SEM1: variants seen among roughly 807,000 people sequenced by gnomAD.
The protein encoded by SEM1 is SEM1 26S proteasome subunit.
A neutral mutation model predicts 12.7 loss-of-function variants in SEM1; 3 were observed. The ratio of observed to expected loss-of-function variants is 0.24; its 90% CI spans 0.11 to 0.61. The LOEUF (loss-of-function observed/expected upper bound fraction) is 0.61. Ranked by LOEUF, SEM1 falls within the 20% of genes least tolerant of loss-of-function variation. The pLI is 0.88. For synonymous variants in SEM1, 30 were observed against 27.8 expected, an observed-to-expected ratio of 1.08 and a Z score of -0.25; for missense variants, 59 against 81.3, an observed-to-expected ratio of 0.73 and a Z score of 1.06.
At chr7:96,520,337 T>C (rs762725925) in intron 2 of SEM1, among the ~76,000 whole-genome samples, 6 of 152,136 alleles carry the variant, frequency 3.9e-5, no homozygotes, top group Non-Finnish European at 7.4e-5. Flanking sequence ...TCTGTAGAAT[T>C]GGGGAATAAC....
chr7:96,614,182 C>T (rs1807633297), intron 2 of SEM1, among the ~76,000 whole-genome samples: 1 of 152,160 alleles, frequency 6.6e-6, no homozygotes, highest in East Asian at 1.9e-4. Flanking sequence ...ATTTTAAAGT[C>T]ATATAGAGAT....
chr7:96,483,104 A>T (rs778049033), exon 4 of SEM1: 4 of 152,148 alleles, frequency 2.6e-5, no homozygotes, highest in Non-Finnish European at 5.9e-5. Flanking sequence ...TTTACTGAGG[A>T]TATTATGGAC....
At chr7:96,636,437 C>T (rs1266295968) in intron 2 of SEM1, among the ~76,000 whole-genome samples, 1 of 152,002 alleles carries the variant, frequency 6.6e-6, no homozygotes, top group Non-Finnish European at 1.5e-5. Context: ...ATCCACAGGA[C>T]ATGGTGAGCA....
intron 2 of SEM1, among the ~76,000 whole-genome samples, chr7:96,606,106 A>G (rs1320775370): frequency 1.3e-5 from 2 of 152,154 alleles, no homozygotes; most frequent in Non-Finnish European, 1.5e-5. Flanking sequence ...GTTCTATTTT[A>G]TTATTAGTTA....
chr7:96,682,458 T>A (rs1395914349), intron 2 of SEM1, among the ~76,000 whole-genome samples: 1 of 152,122 alleles, frequency 6.6e-6, no homozygotes, highest in African/African-American at 2.4e-5. Flanking sequence ...ATCCTTGTCT[T>A]GTACCGGTTT....
intron 2 of SEM1, among the ~76,000 whole-genome samples, chr7:96,511,774 T>C (rs1275267260): frequency 6.6e-6 from 1 of 152,042 alleles, no homozygotes; most frequent in Non-Finnish European, 1.5e-5. Flanking sequence ...TTTTAATAAA[T>C]AGTATTTTTT....
chr7:96,652,666 A>G (rs1471685535), intron 2 of SEM1, among the ~76,000 whole-genome samples: 1 of 152,202 alleles, frequency 6.6e-6, no homozygotes, highest in Non-Finnish European at 1.5e-5. Flanking sequence ...ACTTTAGGAA[A>G]ACTTTCTTTT....
intron 2 of SEM1, among the ~76,000 whole-genome samples, chr7:96,549,308 T>C (rs1470097018): frequency 6.6e-6 from 1 of 152,116 alleles, no homozygotes; most frequent in Non-Finnish European, 1.5e-5. Context: ...CCTACTTGAG[T>C]GTTTGCCATA....
At chr7:96,562,822 G>A (rs76173762) in intron 2 of SEM1, among the ~76,000 whole-genome samples, 13,352 of 152,178 alleles carry the variant, frequency 0.088, 636 homozygotes, top group South Asian at 0.14. Context: ...GCCACCATGC[G>A]TGGCTCTGTT....
chr7:96,657,688 C>A (rs759417019), intron 2 of SEM1, among the ~76,000 whole-genome samples: 23 of 152,188 alleles, frequency 1.5e-4, no homozygotes, highest in Non-Finnish European at 2.2e-4. Flanking sequence ...GTCACAATAT[C>A]TAGGTATTTC....
chr7:96,500,474 G>A (rs188392345), upstream of SEM1, among the ~76,000 whole-genome samples: 12 of 152,174 alleles, frequency 7.9e-5, no homozygotes, highest in Admixed American at 2.0e-4. Context: ...CAGGCCAGTC[G>A]TCATACATTT....
chr7:96,514,179 A>G (rs1163113957), intron 2 of SEM1, among the ~76,000 whole-genome samples: 3 of 152,102 alleles, frequency 2.0e-5, no homozygotes, highest in Admixed American at 2.0e-4. Context: ...AGTCAAATGT[A>G]CTTGTGCTTA....
chr7:96,502,069 A>G (rs977948633), intron 3 of SEM1, among the ~76,000 whole-genome samples: 1 of 152,094 alleles, frequency 6.6e-6, no homozygotes, highest in Non-Finnish European at 1.5e-5. Flanking sequence ...CATTCTTTTT[A>G]ATGGCTGCAG....
intron 2 of SEM1, among the ~76,000 whole-genome samples, chr7:96,676,320 T>C (rs1789448054): frequency 6.6e-6 from 1 of 152,162 alleles, no homozygotes; most frequent in African/African-American, 2.4e-5. Context: ...TACCTATATA[T>C]AGGTTGAATG....
At chr7:96,624,239 G>A (rs1807988467) in intron 2 of SEM1, among the ~76,000 whole-genome samples, 1 of 152,062 alleles carries the variant, frequency 6.6e-6, no homozygotes, top group African/African-American at 2.4e-5. Flanking sequence ...AAATAAATAT[G>A]GATGAAATAA....
intron 2 of SEM1, among the ~76,000 whole-genome samples, chr7:96,596,675 G>C (rs569064611): frequency 6.6e-6 from 1 of 152,262 alleles, no homozygotes; most frequent in Admixed American, 6.5e-5. Context: ...ATGGGCTCTA[G>C]AAACACATGG....
At chr7:96,523,585 G>A (rs575706496) in intron 2 of SEM1, among the ~76,000 whole-genome samples, 2 of 152,100 alleles carry the variant, frequency 1.3e-5, no homozygotes, top group African/African-American at 2.4e-5. Flanking sequence ...CTTTTGTTGC[G>A]GTTCAGACCA....
intron 2 of SEM1, among the ~76,000 whole-genome samples, chr7:96,543,419 A>G (rs12704851): frequency 0.55 from 83,026 of 151,634 alleles, 25,704 homozygotes; most frequent in Non-Finnish European, 0.69. Context: ...AGAGACAACT[A>G]TACATTCACA....
intron 2 of SEM1, among the ~76,000 whole-genome samples, chr7:96,596,475 A>AT (rs1807001902): frequency 6.6e-6 from 1 of 152,176 alleles, no homozygotes; most frequent in Non-Finnish European, 1.5e-5. Flanking sequence ...ACACAGCACC[A>AT]TTAAGTCGGT....
Sources: allele counts gnomAD v4.1 joint callset (sites outside exome capture counted in the v4.1 genomes callset), GRCh38; gene constraint gnomAD v4.1.1; transcripts MANE v1.5; gene names NCBI Gene and HGNC (gene_info 2026-07-23, HGNC 2026-07-21).